Variants in TMEM178B observed in about 807,000 individuals in gnomAD.
The protein encoded by TMEM178B is transmembrane protein 178B.
TMEM178B carries 5 observed loss-of-function variants against 31.0 expected under a neutral mutation model. That is an observed-to-expected ratio of 0.16 (90% CI 0.08 to 0.34). The LOEUF (loss-of-function observed/expected upper bound fraction) is 0.34. Among genes scored for constraint, TMEM178B ranks in the 10% least tolerant of loss-of-function variants. TMEM178B has a pLI of 1.00. For synonymous variants in TMEM178B, 164 were observed against 164.0 expected, an observed-to-expected ratio of 1.00 and a Z score of 0.00; for missense variants, 275 against 400.3, an observed-to-expected ratio of 0.69 and a Z score of 2.67.
intron 2 of TMEM178B, among the ~76,000 whole-genome samples, chr7:141,388,903 T>TTTTAAATAA (rs200489297): frequency 0.079 from 12,079 of 152,260 alleles, 568 homozygotes; most frequent in African/African-American, 0.11. Flanking sequence ...AGGTGCAATG[T>TTTTAAATAA]TACCACTTTG....
chr7:141,435,309 A>T (rs1325050586), intron 2 of TMEM178B, among the ~76,000 whole-genome samples: 1 of 152,256 alleles, frequency 6.6e-6, no homozygotes, highest in East Asian at 1.9e-4. Context: ...TAAGCCCCTT[A>T]CAGGGAAACC....
At chr7:141,323,815 A>G (rs1799141227) in intron 2 of TMEM178B, among the ~76,000 whole-genome samples, 1 of 152,314 alleles carries the variant, frequency 6.6e-6, no homozygotes. Flanking sequence ...TTAGGTAGTG[A>G]TAAGTACAAA....
intron 2 of TMEM178B, among the ~76,000 whole-genome samples, chr7:141,382,194 G>C (rs762115328): frequency 2.6e-5 from 4 of 152,166 alleles, no homozygotes; most frequent in Non-Finnish European, 5.9e-5. Context: ...TCAGTCCCCT[G>C]TGTACAAAAG....
intron 2 of TMEM178B, among the ~76,000 whole-genome samples, chr7:141,399,530 T>C (rs1181426987): frequency 6.6e-6 from 1 of 152,198 alleles, no homozygotes; most frequent in South Asian, 2.1e-4. Context: ...TTGGAGTCTA[T>C]GGTAATGAAA....
chr7:141,399,750 C>T (rs146941755), intron 2 of TMEM178B, among the ~76,000 whole-genome samples: 1 of 152,286 alleles, frequency 6.6e-6, no homozygotes, highest in East Asian at 1.9e-4. Context: ...CAGATGGCTT[C>T]CAGACTGCTA....
chr7:141,184,487 A>T (rs897908412), intron 1 of TMEM178B, among the ~76,000 whole-genome samples: 3 of 152,080 alleles, frequency 2.0e-5, no homozygotes, highest in African/African-American at 7.2e-5. Context: ...AGCAAGACCC[A>T]CACTATGGTC....
chr7:141,451,561 G>A (rs1231032550), intron 3 of TMEM178B, among the ~76,000 whole-genome samples: 4 of 152,110 alleles, frequency 2.6e-5, no homozygotes, highest in Admixed American at 2.0e-4. Context: ...TTACTGACAC[G>A]GCTGTGATCC....
At chr7:141,228,825 A>G (rs970849447) in intron 2 of TMEM178B, among the ~76,000 whole-genome samples, 12 of 152,096 alleles carry the variant, frequency 7.9e-5, no homozygotes, top group South Asian at 6.2e-4. Context: ...CATGCTTACT[A>G]TTGATCAACT....
At chr7:141,304,678 C>T (rs1229067471) in intron 2 of TMEM178B, among the ~76,000 whole-genome samples, 1 of 152,186 alleles carries the variant, frequency 6.6e-6, no homozygotes, top group Admixed American at 6.5e-5. Flanking sequence ...GCTGCATCAT[C>T]TTGATTTAGC....
intron 2 of TMEM178B, among the ~76,000 whole-genome samples, chr7:141,274,717 C>A (rs977705630): frequency 6.6e-6 from 1 of 152,166 alleles, no homozygotes; most frequent in Non-Finnish European, 1.5e-5. Context: ...GTCCTGGACA[C>A]TTGGAGTTTG....
At chr7:141,192,225 A>G (rs1163818785) in intron 1 of TMEM178B, among the ~76,000 whole-genome samples, 1 of 152,196 alleles carries the variant, frequency 6.6e-6, no homozygotes, top group African/African-American at 2.4e-5. Flanking sequence ...CTACTGGGAA[A>G]GAAGCACCAA....
chr7:141,212,505 C>A, intron 1 of TMEM178B, 86 bp from the exon 2 acceptor site: 1 of 1,152,300 alleles, frequency 8.7e-7, no homozygotes, highest in Non-Finnish European at 1.2e-6. Flanking sequence ...AAGTCTTCTT[C>A]TCCAGGATGG....
chr7:141,357,214 A>C (rs1317823751), intron 2 of TMEM178B, among the ~76,000 whole-genome samples: 2 of 152,172 alleles, frequency 1.3e-5, no homozygotes, highest in East Asian at 3.9e-4. Context: ...TTTGTAGCTA[A>C]AGTTGACAAA....
downstream of TMEM178B, among the ~76,000 whole-genome samples, chr7:141,484,660 C>G (rs1802527672): frequency 6.6e-6 from 1 of 152,130 alleles, no homozygotes; most frequent in Non-Finnish European, 1.5e-5. This position sits in a 1 kb window ranked among gnomAD's most constrained non-coding sequence, Gnocchi z 4.8. Flanking sequence ...CTCCAGGGTT[C>G]AAGCGATTCT....
chr7:141,292,974 T>C (rs1429699584), intron 2 of TMEM178B, among the ~76,000 whole-genome samples: 1 of 152,120 alleles, frequency 6.6e-6, no homozygotes, highest in Non-Finnish European at 1.5e-5. Flanking sequence ...ACTACTGCTC[T>C]GTGGAAGTGT....
intron 2 of TMEM178B, among the ~76,000 whole-genome samples, chr7:141,372,202 G>A (rs1800130274): frequency 6.6e-6 from 1 of 152,140 alleles, no homozygotes; most frequent in Non-Finnish European, 1.5e-5. Flanking sequence ...TAATCCAGCA[G>A]CCAGTCCTCA....
At chr7:141,355,191 G>A (rs1179868638) in intron 2 of TMEM178B, among the ~76,000 whole-genome samples, 1 of 152,118 alleles carries the variant, frequency 6.6e-6, no homozygotes, top group Non-Finnish European at 1.5e-5. Flanking sequence ...GCCGTCTCCA[G>A]CTTTATTGAA....
intron 1 of TMEM178B, among the ~76,000 whole-genome samples, chr7:141,161,179 TGAAG>T (rs1284701866): frequency 2.0e-5 from 3 of 152,162 alleles, no homozygotes; most frequent in South Asian, 2.1e-4. Context: ...GCTCAAAGCA[TGAAG>T]GAAGGGGAAG....
intron 2 of TMEM178B, among the ~76,000 whole-genome samples, chr7:141,228,388 T>TC (rs563131216): frequency 9.3e-4 from 142 of 152,140 alleles, no homozygotes; most frequent in East Asian, 5.0e-3. Flanking sequence ...CTTTCTTCTT[T>TC]CTTTTTTTTT....
Sources: allele counts gnomAD v4.1 joint callset (sites outside exome capture counted in the v4.1 genomes callset), GRCh38; gene constraint gnomAD v4.1.1; non-coding constraint Gnocchi (gnomAD v3.1); transcripts MANE v1.5; gene names NCBI Gene and HGNC (gene_info 2026-07-23, HGNC 2026-07-21).